The following GSE1 variants were observed in gnomAD, a reference collection of about 807,000 sequenced individuals.
GSE1 encodes the protein Gse1 coiled-coil protein, also known as genetic suppressor element 1.
A neutral mutation model predicts 112.6 loss-of-function variants in GSE1; 32 were observed. The observed-to-expected ratio is 0.28, with a 90% CI of 0.21 to 0.38. The LOEUF is 0.38. GSE1 is among the 10% of genes least tolerant of loss of function. GSE1 has a pLI of 1.00. For synonymous variants in GSE1, 1,115 were observed against 735.6 expected (o/e 1.52, Z -8.35); for missense variants, 2,348 against 1,699.2 (o/e 1.38, Z -6.71).
At chr16:85,210,136 T>C (rs1265953993) in intron 1 of GSE1, among the ~76,000 whole-genome samples, 2 of 152,212 alleles carry the variant, frequency 1.3e-5, no homozygotes, top group Admixed American at 6.5e-5. Flanking sequence ...GTCGTATTCG[T>C]CTTTACTGAA....
At chr16:85,257,014 G>A (rs1907153613) in intron 1 of GSE1, among the ~76,000 whole-genome samples, 2 of 143,364 alleles carry the variant, frequency 1.4e-5, no homozygotes, top group Admixed American at 1.3e-4. Context: ...TAGCCAAGGT[G>A]GGAGTCTTTG....
intron 1 of GSE1, among the ~76,000 whole-genome samples, chr16:85,562,212 A>G (rs1474794682): frequency 6.6e-6 from 1 of 152,162 alleles, no homozygotes; most frequent in African/African-American, 2.4e-5. Flanking sequence ...TCCATCTAGC[A>G]CTTTCCAGGC....
At chr16:85,613,449 C>G (rs759935507) in intron 1 of GSE1, 51 bp downstream of exon 1, 4 of 1,486,816 alleles carry the variant, frequency 2.7e-6, no homozygotes, top group Non-Finnish European at 3.6e-6. Flanking sequence ...CTCCCCCCAC[C>G]GCACTGTCCT....
At chr16:85,416,914 G>C (rs2048715597) in intron 2 of GSE1, among the ~76,000 whole-genome samples, 1 of 152,206 alleles carries the variant, frequency 6.6e-6, no homozygotes, top group African/African-American at 2.4e-5. Context: ...GGGGTGCAGT[G>C]GCACGATCAT....
chr16:85,239,737 G>C (rs1037406693), intron 1 of GSE1, among the ~76,000 whole-genome samples: 2 of 152,198 alleles, frequency 1.3e-5, no homozygotes, highest in African/African-American at 4.8e-5. Context: ...GCCAGGGTTG[G>C]GGGTCCCACC....
chr16:85,252,486 G>A (rs917711692), intron 1 of GSE1, among the ~76,000 whole-genome samples: 2 of 152,228 alleles, frequency 1.3e-5, no homozygotes, highest in Non-Finnish European at 2.9e-5. Flanking sequence ...TTTCCCCTGA[G>A]CCCCTTGGGC....
chr16:85,509,292 A>G (rs968121268), intron 2 of GSE1, among the ~76,000 whole-genome samples: 4 of 152,170 alleles, frequency 2.6e-5, no homozygotes, highest in Admixed American at 1.3e-4. Flanking sequence ...GGTCGTGGGA[A>G]GGCAGTGTTG....
intron 1 of GSE1, among the ~76,000 whole-genome samples, chr16:85,175,923 C>T (rs1007028949): frequency 2.0e-5 from 3 of 152,196 alleles, no homozygotes; most frequent in Non-Finnish European, 2.9e-5. Context: ...CCAGGACCAG[C>T]GTCGGGCCTG....
chr16:85,263,170 T>G (rs1907890606), intron 1 of GSE1, among the ~76,000 whole-genome samples: 1 of 152,172 alleles, frequency 6.6e-6, no homozygotes, highest in Non-Finnish European at 1.5e-5. Context: ...GGTTGTAGCT[T>G]CAAAGAGTGT....
At chr16:85,606,904 C>T (rs1362825538), upstream of GSE1, among the ~76,000 whole-genome samples, 7 of 152,354 alleles carry the variant, frequency 4.6e-5, no homozygotes, top group East Asian at 1.2e-3. Flanking sequence ...CCCCCAGCCC[C>T]CTTCCCCTGC....
chr16:85,619,548 C>T (rs1355284700), intron 1 of GSE1, among the ~76,000 whole-genome samples: 1 of 152,190 alleles, frequency 6.6e-6, no homozygotes. Flanking sequence ...CCTGGAGGGA[C>T]GGCAGGCGCT....
chr16:85,301,841 C>T (rs2045535458), intron 1 of GSE1, among the ~76,000 whole-genome samples: 1 of 152,226 alleles, frequency 6.6e-6, no homozygotes, highest in Non-Finnish European at 1.5e-5. Flanking sequence ...ACAAGATGAG[C>T]ACAGCCAGGA....
intron 1 of GSE1, among the ~76,000 whole-genome samples, chr16:85,274,121 C>T (rs148511470): frequency 3.3e-5 from 5 of 151,716 alleles, no homozygotes; most frequent in Non-Finnish European, 7.4e-5. Flanking sequence ...CACGGAGGCT[C>T]ACTCCTGTAA....
At chr16:85,625,573 C>A (rs144823206) in intron 1 of GSE1, among the ~76,000 whole-genome samples, 2 of 152,154 alleles carry the variant, frequency 1.3e-5, no homozygotes, top group Non-Finnish European at 2.9e-5. Flanking sequence ...GGACGTCTCC[C>A]GAGAGCTCTG....
chr16:85,459,538 C>G (rs2049918794), intron 2 of GSE1, among the ~76,000 whole-genome samples: 1 of 152,218 alleles, frequency 6.6e-6, no homozygotes. Context: ...ACAAACCACT[C>G]AGCTGCCCTT....
At chr16:85,363,849 G>A (rs1488152716) in intron 2 of GSE1, among the ~76,000 whole-genome samples, 1 of 152,130 alleles carries the variant, frequency 6.6e-6, no homozygotes, top group Non-Finnish European at 1.5e-5. Context: ...GACACAGCAT[G>A]CCCTCCGTCT....
chr16:85,554,880 T>G (rs1377307936), upstream of GSE1: 11 of 985,102 alleles, frequency 1.1e-5, no homozygotes, highest in East Asian at 1.3e-3. Flanking sequence ...GCCCACTGTT[T>G]GCAAACGGCC....
chr16:85,382,635 A>G (rs1379066005), intron 2 of GSE1, among the ~76,000 whole-genome samples: 2 of 152,192 alleles, frequency 1.3e-5, no homozygotes, highest in East Asian at 3.9e-4. Context: ...AATGGGGAGC[A>G]GGGAAGCAGA....
chr16:85,400,903 G>GTC (rs2048098136), intron 2 of GSE1, among the ~76,000 whole-genome samples: 1 of 152,110 alleles, frequency 6.6e-6, no homozygotes, highest in Admixed American at 6.6e-5. Flanking sequence ...GGGTCTGTGT[G>GTC]TCTGTGTGTG....
Sources: gnomAD v4.1 joint callset for allele counts (sites outside exome capture counted in the v4.1 genomes callset) on GRCh38, gnomAD v4.1.1 for gene constraint, MANE v1.5 for transcripts, NCBI Gene and HGNC (gene_info 2026-07-23, HGNC 2026-07-21) for gene names.